Variants in FAAH observed in about 807,000 individuals in gnomAD.
The protein encoded by FAAH is fatty acid amide hydrolase.
Under a neutral mutation model 69.7 loss-of-function variants are expected in FAAH, and 63 were observed. That is an observed-to-expected ratio of 0.90 (90% confidence interval 0.74 to 1.12). The LOEUF is 1.12. Ranked by LOEUF, FAAH falls within the 50% of genes most tolerant of loss-of-function variation. The probability of loss-of-function intolerance (pLI) is 0.00; values close to 1 mark genes in which losing one functional copy is unlikely to be tolerated. For missense variants in FAAH, 680 were observed against 755.0 expected (o/e 0.90, Z 1.16); for synonymous variants, 305 against 324.2 (o/e 0.94, Z 0.64).
intron 13 of FAAH, among the ~76,000 whole-genome samples, chr1:46,412,640 G>A (rs901628761): frequency 6.6e-6 from 1 of 151,984 alleles, no homozygotes; most frequent in Non-Finnish European, 1.5e-5. Context: ...TGAGGCTCCT[G>A]TTGCTACAAA....
chr1:46,408,340 C>G, intron 7 of FAAH, 119 bp from the exon 8 acceptor site: 1 of 1,361,868 alleles, frequency 7.3e-7, no homozygotes, highest in South Asian at 1.2e-5. Flanking sequence ...AAGGGGCTGG[C>G]CTCGCTGACT....
chr1:46,401,990 C>A, intron 1 of FAAH, 101 bp from the exon 2 acceptor site: 1 of 985,634 alleles, frequency 1.0e-6, no homozygotes. Context: ...CCTGCCCAGG[C>A]TGGGCCATGT....
At chr1:46,397,585 G>T (rs548369826) in intron 1 of FAAH, among the ~76,000 whole-genome samples, 175 of 152,108 alleles carry the variant, frequency 1.2e-3, no homozygotes, top group Non-Finnish European at 1.9e-3. Flanking sequence ...TTTTTGAGAC[G>T]GAGTCTTGCT....
intron 13 of FAAH, among the ~76,000 whole-genome samples, chr1:46,412,859 G>C (rs1664941103): frequency 6.6e-6 from 1 of 152,142 alleles, no homozygotes; most frequent in African/African-American, 2.4e-5. Context: ...AGTGGAGAAA[G>C]TACATGGGCA....
rs757315115 is a variant in FAAH, at chr1:46,413,235, GC to G, written c.1611+19del. 8.7e-6 allele frequency: 14 copies of G among 1,614,006 alleles called. No homozygotes were observed. In the East Asian group the frequency reaches 3.1e-4, roughly 36 times the overall value. On this transcript the variant is annotated intron_variant, in intron 14 of 14. Coordinates refer to ENST00000243167, the MANE Select transcript of FAAH (RefSeq NM_001441.3). ...TGCTGCAGAAGGTGAGGACTGACCT[GC>G]CCCTCAACTGGACTCACTCCCCACC...
At chr1:46,398,872 G>C (rs1280732009) in intron 1 of FAAH, among the ~76,000 whole-genome samples, 1 of 152,156 alleles carries the variant, frequency 6.6e-6, no homozygotes, top group African/African-American at 2.4e-5. Flanking sequence ...CTGGATGAAG[G>C]GGTACCTAAA....
Position 46,410,141 on chromosome 1 carries a change from T to TA in FAAH, c.1176-256dup, listed in dbSNP as rs1386484214. 6 of 479,996 alleles carry TA rather than the reference T, an allele frequency of 1.3e-5. No individual in the cohort carries two copies. The highest frequency in any genetic ancestry group is 1.2e-4 in the African/African-American group (6 of 50,870). 29.7% of individuals were successfully genotyped at this position (479,996 alleles called of 1,614,324 possible). On this transcript the variant is annotated intron_variant, in intron 9 of 14. Coordinates refer to ENST00000243167, the MANE Select transcript of FAAH (RefSeq NM_001441.3). The surrounding 1 kb of genome is among the most constrained non-coding windows in gnomAD (Gnocchi z 4.9). ...TCAGGGAGATGTTGCCCTCAGTTCT[T>TA]AGAGCTCTGAGCTGGGTTTGCTGGA...
intron 1 of FAAH, 146 bp from the exon 2 acceptor site, chr1:46,401,945 G>A: frequency 1.4e-6 from 1 of 730,780 alleles, no homozygotes; most frequent in Admixed American, 2.1e-5. Context: ...AGCTTCTGGA[G>A]GAGACAGAGC....
At chr1:46,396,051 A>G (rs990181961) in intron 1 of FAAH, among the ~76,000 whole-genome samples, 3 of 152,060 alleles carry the variant, frequency 2.0e-5, no homozygotes, top group Non-Finnish European at 2.9e-5. Context: ...ATTGATCACT[A>G]TCTCTACCAT....
intron 6 of FAAH, 59 bp from the exon 7 acceptor site, chr1:46,406,185 T>G (rs952595571): frequency 6.2e-7 from 1 of 1,613,940 alleles, no homozygotes; most frequent in East Asian, 2.2e-5. Flanking sequence ...CCCAGGCTGC[T>G]CTAGGTCTGG....
In FAAH at chr1:46,394,394, G is replaced by A; in HGVS notation, c.46G>A (p.Val16Ile). ...GGCCGCGCTGCCTGGCGCCTCCGGG[G>A]TCGCCCTGGCCTGCTGCTTCGTGGC... ...LWAALPGASGVALACCFVAAA... is the reference protein window; with the variant it reads ...LWAALPGASGIALACCFVAAA... The change falls in exon 1 of 15, where the codon GTC (valine) becomes ATC (isoleucine). Residue 16 changes from valine to isoleucine, a missense_variant. Physicochemically the swap from Val to Ile is conservative, Grantham distance 29. Coordinates refer to ENST00000243167, the MANE Select transcript of FAAH (RefSeq NM_001441.3). 2 of 1,537,562 alleles carry A rather than the reference G, an allele frequency of 1.3e-6. No individual in the cohort carries two copies. The highest frequency in any genetic ancestry group is 1.7e-6 in the Non-Finnish European group (2 of 1,147,868).
In FAAH at chr1:46,402,558, G is replaced by T. The variant is rs145664194; in HGVS notation, c.309+354G>T. Among the ~76,000 whole-genome samples the T allele has an allele frequency of 1.0e-3, 156 of 152,240 alleles. 1 individual carries two copies. The East Asian group carries it at 0.029, about 28-fold the overall frequency. On this transcript the variant is annotated intron_variant, in intron 2 of 14. Coordinates refer to ENST00000243167, the MANE Select transcript of FAAH (RefSeq NM_001441.3). ...ATGGAGTTTCGCTCTTGTTGTTCAG[G>T]CTGGAGTGCAATGGCACAATCTTGG...
At position 46,410,524 on chromosome 1, in the gene FAAH, A is replaced by G. The variant is rs749959537; in HGVS notation, c.1275+27A>G. The G allele has an allele frequency of 1.3e-6, 2 of 1,598,420 alleles. No homozygotes were observed. The highest frequency in any genetic ancestry group is 1.7e-6 in the Non-Finnish European group (2 of 1,166,148). On this transcript the variant is annotated intron_variant, in intron 10 of 14. Transcript: ENST00000243167. This position sits in a 1 kb window ranked among gnomAD's most constrained non-coding sequence, Gnocchi z 4.9. ...TGAGGGCACAAGGAGTGGAGGGGCTAGGATGGCTGGGGGGGAACCTAGGGC... is the reference window on the plus strand; with the variant it reads ...TGAGGGCACAAGGAGTGGAGGGGCTGGGATGGCTGGGGGGGAACCTAGGGC...
At chr1:46,397,282 G>C (rs903016932) in intron 1 of FAAH, among the ~76,000 whole-genome samples, 2 of 152,268 alleles carry the variant, frequency 1.3e-5, no homozygotes, top group African/African-American at 2.4e-5. Flanking sequence ...AGGGGTGTGG[G>C]ATGGTAGCAG....
chr1:46,402,750 T>G (rs1664726889), intron 2 of FAAH, among the ~76,000 whole-genome samples: 1 of 151,716 alleles, frequency 6.6e-6, no homozygotes, highest in Admixed American at 6.6e-5. Flanking sequence ...TGGAATGCAG[T>G]GGCATGATCT....
intron 1 of FAAH, among the ~76,000 whole-genome samples, chr1:46,396,598 G>A (rs1569803297): frequency 7.0e-6 from 1 of 143,202 alleles, no homozygotes; most frequent in African/African-American, 2.5e-5. Context: ...GGAGAATGGC[G>A]ATGACTTTTT....
At position 46,406,852 on chromosome 1, in the gene FAAH, C is replaced by T. The variant is rs539114287; in HGVS notation, c.951+484C>T. On this transcript the variant is annotated intron_variant, in intron 7 of 14. Coordinates refer to ENST00000243167, the MANE Select transcript of FAAH (RefSeq NM_001441.3). ...GGATCTCCTGACCTCGTGATCCGCCCGCCTCGGCCTCCCAAAGTGCTGGGA... is the reference window on the plus strand; with the variant it reads ...GGATCTCCTGACCTCGTGATCCGCCTGCCTCGGCCTCCCAAAGTGCTGGGA... Among the ~76,000 whole-genome samples the T allele has an allele frequency of 3.8e-4, 58 of 152,002 alleles. No homozygotes were observed. The South Asian group carries it at 0.011, about 28-fold the overall frequency.
intron 7 of FAAH, among the ~76,000 whole-genome samples, chr1:46,406,589 T>G (rs1290406537): frequency 1.4e-5 from 2 of 145,406 alleles, no homozygotes; most frequent in East Asian, 4.1e-4. Flanking sequence ...CTTTCTTTTT[T>G]TTTTTTTTTT....
At position 46,410,474 on chromosome 1, in the gene FAAH, C is replaced by A; in HGVS notation, c.1252C>A (p.Leu418Met). 1 of 1,614,098 alleles carries A rather than the reference C, an allele frequency of 6.2e-7. No individual in the cohort carries two copies. Among genetic ancestry groups the A allele is most frequent in the South Asian group, 1.1e-5 (1 of 91,080 alleles). The change falls in exon 10 of 15, where the codon CTG becomes ATG. Residue 418 changes from leucine to methionine, a missense_variant. Coordinates refer to ENST00000243167, the MANE Select transcript of FAAH (RefSeq NM_001441.3). The surrounding 1 kb of genome is among the most constrained non-coding windows in gnomAD (Gnocchi z 4.9). ...LKLPQWLKGLLAFLVKPLLPR... is the reference protein window; with the variant it reads ...LKLPQWLKGLMAFLVKPLLPR... ...GCTTCCCCAATGGCTTAAAGGACTG[C>A]TGGCCTTCCTGGTGAAGCCTCTGGT...
Sources: allele counts gnomAD v4.1 joint callset (sites outside exome capture counted in the v4.1 genomes callset), GRCh38; gene constraint gnomAD v4.1.1; non-coding constraint Gnocchi (gnomAD v3.1); transcripts MANE v1.5; gene names NCBI Gene and HGNC (gene_info 2026-07-23, HGNC 2026-07-21).